Variants in LYAR observed in about 807,000 individuals in gnomAD.
LYAR encodes cell growth-regulating nucleolar protein.
A neutral mutation model predicts 45.2 loss-of-function variants in LYAR; 37 were observed. The ratio of observed to expected loss-of-function variants is 0.82; its 90% CI spans 0.63 to 1.08. The LOEUF (loss-of-function observed/expected upper bound fraction) is 1.08, where lower values mean the gene tolerates loss of function less well. LYAR is among the 50% of genes least tolerant of loss of function. The pLI, the probability that LYAR is intolerant of heterozygous loss-of-function variation, is 0.00. For missense variants in LYAR, 493 were observed against 451.0 expected (o/e 1.09, Z -0.84); for synonymous variants, 176 against 155.1 (o/e 1.14, Z -1.00).
chr4:4,285,981 A>G (rs113851193), intron 2 of LYAR, among the ~76,000 whole-genome samples: 218 of 152,364 alleles, frequency 1.4e-3, no homozygotes, highest in South Asian at 7.7e-3. Flanking sequence ...TTAAATATCA[A>G]TTCAGAAGGT....
chr4:4,279,987 A>C (rs911471559), intron 4 of LYAR, among the ~76,000 whole-genome samples: 1 of 152,258 alleles, frequency 6.6e-6, no homozygotes, highest in South Asian at 2.1e-4. Flanking sequence ...CAAAGGATGA[A>C]GTAAAATTAT....
At chr4:4,280,586 G>A (rs1279696234) in intron 4 of LYAR, among the ~76,000 whole-genome samples, 1 of 152,078 alleles carries the variant, frequency 6.6e-6, no homozygotes. Flanking sequence ...GGATTTCATC[G>A]AGTGTGACAG....
In LYAR at chr4:4,279,434, A is replaced by T; in HGVS notation, c.429+13T>A. 1 of 1,562,512 alleles carries T rather than the reference A, an allele frequency of 6.4e-7. No homozygotes were observed. Among genetic ancestry groups the T allele is most frequent in the Non-Finnish European group, 8.7e-7 (1 of 1,143,666 alleles). On this transcript the variant is annotated intron_variant, in intron 6 of 9. Coordinates refer to ENST00000343470, the MANE Select transcript of LYAR (RefSeq NM_017816.3). ...TTTGCCACAATGCAAATCTAAAATC[A>T]GATCTGACTTACGCTGTTGGAAGCT...
intron 3 of LYAR, 62 bp downstream of exon 3, chr4:4,283,559 G>A (rs763112970): frequency 1.7e-5 from 26 of 1,535,440 alleles, no homozygotes; most frequent in South Asian, 7.2e-5. Flanking sequence ...GCTTTGTGGC[G>A]CCAAGGCTTC....
intron 4 of LYAR, 88 bp from the exon 5 acceptor site, chr4:4,279,837 C>G: frequency 1.2e-6 from 1 of 809,092 alleles, no homozygotes; most frequent in South Asian, 1.6e-5. Context: ...CTTGCCATGG[C>G]TAAAGCGTTC....
In LYAR at chr4:4,268,490, C is replaced by A. The variant is rs201341948; in HGVS notation, c.1005+40G>T. 7.4e-5 allele frequency: 93 copies of A among 1,262,310 alleles called. No homozygotes were observed. The African/African-American group carries it at 1.3e-3, about 17-fold the overall frequency. The allele number at this position is 1,262,310 out of a possible 1,614,324, so 78.2% of individuals were successfully genotyped here. A position where few individuals can be genotyped will look rare whatever the true frequency, so the allele number is the denominator to read the frequency against. ...AATTGTACATTTAGAAATAAGTTCT[C>A]CCCAGCTGTTAGACACGTGGGTTTG... On this transcript the variant is annotated intron_variant, in intron 9 of 9. Coordinates refer to ENST00000343470, the MANE Select transcript of LYAR (RefSeq NM_017816.3).
In LYAR at chr4:4,281,804, G is replaced by C. The variant is rs1329669246; in HGVS notation, c.216C>G (p.Ile72Met). The change falls in exon 4 of 10, where the codon ATC becomes ATG. Residue 72 changes from isoleucine to methionine, a missense_variant. Ile to Met is a conservative substitution (Grantham distance 10, BLOSUM62 1). Coordinates refer to ENST00000343470, the MANE Select transcript of LYAR (RefSeq NM_017816.3). ...GYEGKTHKGD[I>M]KQQAWIQKIS... ...TTACCTGAATCCACGCCTGCTGTTT[G>C]ATGTCGCCTTTGTGGGTTTTACCTT... The C allele has an allele frequency of 6.2e-7, 1 of 1,613,864 alleles. No homozygotes were observed. Among genetic ancestry groups the C allele is most frequent in the East Asian group, 2.2e-5 (1 of 44,906 alleles).
At chr4:4,280,293 C>T (rs926406985) in intron 4 of LYAR, among the ~76,000 whole-genome samples, 23 of 152,228 alleles carry the variant, frequency 1.5e-4, no homozygotes, top group African/African-American at 4.3e-4. Context: ...AAAAACATTC[C>T]GTACTCATGG....
intron 6 of LYAR, among the ~76,000 whole-genome samples, chr4:4,277,737 A>C (rs1719243346): frequency 1.3e-5 from 2 of 152,214 alleles, no homozygotes; most frequent in Non-Finnish European, 2.9e-5. Context: ...CCAACCAGCC[A>C]GGACCTTGGC....
chr4:4,272,672 C>A (rs1056481079), intron 8 of LYAR, among the ~76,000 whole-genome samples: 9 of 152,196 alleles, frequency 5.9e-5, no homozygotes, highest in Non-Finnish European at 1.5e-5. Context: ...CTGCTCAGAA[C>A]AGCATGCAAT....
intron 1 of LYAR, among the ~76,000 whole-genome samples, chr4:4,289,228 G>A (rs1719754089): frequency 6.6e-6 from 1 of 152,150 alleles, no homozygotes. Flanking sequence ...AGGCACAGAA[G>A]CCATTTCTCT....
Position 4,271,960 on chromosome 4 carries a change from C to T in LYAR, c.919+1623G>A, listed in dbSNP as rs777634096. On this transcript the variant is annotated intron_variant, in intron 8 of 9. Transcript: ENST00000343470. ...ACCTGGGTGAATCTCCAGAGAAAAACGCTGAGCGAAGAGTCAGTCTCAAAA... is the reference window on the plus strand; with the variant it reads ...ACCTGGGTGAATCTCCAGAGAAAAATGCTGAGCGAAGAGTCAGTCTCAAAA... Among the ~76,000 whole-genome samples the T allele has an allele frequency of 4.6e-5, 7 of 152,082 alleles. No homozygotes were observed. In the East Asian group the frequency reaches 7.7e-4, roughly 17 times the overall value.
intron 8 of LYAR, among the ~76,000 whole-genome samples, chr4:4,271,477 G>A (rs899851742): frequency 1.3e-5 from 2 of 152,174 alleles, no homozygotes; most frequent in Non-Finnish European, 2.9e-5. Context: ...ACAAACACGG[G>A]AGTGCAGGTA....
chr4:4,285,843 G>C (rs1719588471), intron 2 of LYAR, among the ~76,000 whole-genome samples: 1 of 151,780 alleles, frequency 6.6e-6, no homozygotes. Flanking sequence ...GGCCTAGGAA[G>C]GAAGCTGGAA....
At chr4:4,287,031 G>C (rs1000830993) in intron 1 of LYAR, among the ~76,000 whole-genome samples, 1 of 152,182 alleles carries the variant, frequency 6.6e-6, no homozygotes, top group Non-Finnish European at 1.5e-5. Context: ...ACTGCATTAA[G>C]ATTTTGAGGA....
chr4:4,285,548 A>C (rs766855975), intron 2 of LYAR, among the ~76,000 whole-genome samples: 16 of 152,252 alleles, frequency 1.1e-4, no homozygotes, highest in Non-Finnish European at 1.9e-4. Flanking sequence ...CTTTGGTGTA[A>C]GAGCAGGAAT....
intron 9 of LYAR, 61 bp downstream of exon 9, chr4:4,268,469 G>T: frequency 5.5e-6 from 6 of 1,091,762 alleles, no homozygotes. Context: ...ACAAACAATT[G>T]TACATTTAGA....
In LYAR at chr4:4,274,355, C is replaced by G. The variant is rs777760742; in HGVS notation, c.832+12G>C. The G allele has an allele frequency of 1.2e-6, 2 of 1,604,444 alleles. No homozygotes were observed. Among genetic ancestry groups the G allele is most frequent in the East Asian group, 4.5e-5 (2 of 44,730 alleles). On this transcript the variant is annotated intron_variant, in intron 7 of 9. Transcript: ENST00000343470. ...TTTCAGATGAATCCCAGAGCGTGAG[C>G]TAGCCACTTACCTTCCGAGTGCCTC...
Position 4,267,800 on chromosome 4 carries a change from T to G in LYAR, c.*89A>C. On this transcript the variant is annotated 3_prime_UTR_variant, in exon 10 of 10. Transcript: ENST00000343470. ...AAATACAGCTTCAAAAAGCAAAATT[T>G]GAGTTGTTAGAATTCATTACACATT... 38 of 1,138,450 alleles carry G rather than the reference T, an allele frequency of 3.3e-5. No homozygotes were observed. The highest frequency in any genetic ancestry group is 8.4e-5 in the South Asian group (3 of 35,726). 70.5% of individuals were successfully genotyped at this position (1,138,450 alleles called of 1,614,324 possible).
Sources: allele counts gnomAD v4.1 joint callset (sites outside exome capture counted in the v4.1 genomes callset), GRCh38; gene constraint gnomAD v4.1.1; transcripts MANE v1.5; gene names NCBI Gene and HGNC (gene_info 2026-07-23, HGNC 2026-07-21).